Variants in DCAF4 observed in about 807,000 individuals in gnomAD.
DCAF4 encodes the protein DDB1- and CUL4-associated factor 4.
DCAF4 carries 37 observed loss-of-function variants against 60.9 expected under a neutral mutation model. The ratio of observed to expected loss-of-function variants is 0.61; its 90% confidence interval spans 0.47 to 0.80. The LOEUF is 0.80. DCAF4 is among the 30% of genes least tolerant of loss of function. The probability of loss-of-function intolerance (pLI) is 0.00; values close to 1 mark genes in which losing one functional copy is unlikely to be tolerated. For missense variants in DCAF4, 577 were observed against 650.0 expected (o/e 0.89, Z 1.22); for synonymous variants, 243 against 254.8 (o/e 0.95, Z 0.44).
downstream of DCAF4, chr14:72,961,754 C>A: frequency 1.1e-6 from 1 of 884,912 alleles, no homozygotes. Flanking sequence ...AATGCAGTGA[C>A]TACACCTGGT....
At chr14:72,938,094 C>T in intron 2 of DCAF4, 24 bp downstream of exon 2, 1 of 1,575,706 alleles carries the variant, frequency 6.3e-7, no homozygotes, top group Non-Finnish European at 8.6e-7. Context: ...TCTGGGGAGC[C>T]ACTTTTGCCC....
chr14:72,947,026 G>C, intron 7 of DCAF4, 116 bp from the exon 8 acceptor site: 2 of 1,368,426 alleles, frequency 1.5e-6, no homozygotes, highest in Non-Finnish European at 2.1e-6. Flanking sequence ...CAGCCCATTT[G>C]AAGAGGAGCA....
intron 2 of DCAF4, among the ~76,000 whole-genome samples, chr14:72,939,411 T>G (rs1314598264): frequency 6.6e-6 from 1 of 152,210 alleles, no homozygotes; most frequent in African/African-American, 2.4e-5. Flanking sequence ...TGCTACTGAA[T>G]CCAATAAAGA....
intron 8 of DCAF4, among the ~76,000 whole-genome samples, chr14:72,950,672 C>T (rs1241604268): frequency 3.3e-5 from 5 of 152,038 alleles, no homozygotes; most frequent in East Asian, 1.9e-4. Context: ...CGACTATGCT[C>T]ATGTGAACAG....
rs1188115374 is a variant in DCAF4, at chr14:72,953,725, AAAAAAAAAT to A, written c.809-437_809-429del. ...ACCCTGTCTTAAAAAAAAAAAAAAAAAAAAAAAATATATATATATATATATATATATATA... is the reference window on the plus strand; with the variant it reads ...ACCCTGTCTTAAAAAAAAAAAAAAAAATATATATATATATATATATATATA... On this transcript the variant is annotated intron_variant, in intron 9 of 13. Coordinates refer to ENST00000358377, the MANE Select transcript of DCAF4 (RefSeq NM_015604.4). 2.4e-3 allele frequency among the ~76,000 whole-genome samples: 124 copies of A among 52,490 alleles called. 8 individuals carry two copies. Among genetic ancestry groups the A allele is most frequent in the Non-Finnish European group, 3.6e-3 (107 of 30,014 alleles). 34.4% of individuals were successfully genotyped at this position (52,490 alleles called of 152,430 possible). A position where few individuals can be genotyped will look rare whatever the true frequency, so the allele number is the denominator to read the frequency against.
At chr14:72,937,879 G>C in intron 1 of DCAF4, 92 bp from the exon 2 acceptor site, 1 of 1,439,206 alleles carries the variant, frequency 6.9e-7, no homozygotes, top group African/African-American at 1.4e-5. Flanking sequence ...GCCTTTTGCT[G>C]GTGCTGAGCA....
At position 72,954,430 on chromosome 14, in the gene DCAF4, C is replaced by A. The variant is rs377073321; in HGVS notation, c.952C>A (p.Arg318=). 2.5e-6 allele frequency: 4 copies of A among 1,614,068 alleles called. No homozygotes were observed. The African/African-American group carries it at 5.3e-5, about 22-fold the overall frequency. Residue 318 remains arginine, a synonymous_variant, in exon 11 of 14, where the codon CGG becomes AGG. Transcript: ENST00000358377. The part of the protein sequence containing the change: ...VLLTNVVTGH[R]QSFGTNSDVL... Reference sequence around the variant, plus strand: ...GTTGACCAACGTGGTGACGGGACACCGGCAGTCCTTTGGGACCAACAGTGA... The same window carrying A: ...GTTGACCAACGTGGTGACGGGACACAGGCAGTCCTTTGGGACCAACAGTGA...
intron 1 of DCAF4, among the ~76,000 whole-genome samples, chr14:72,933,166 A>T (rs1047828393): frequency 6.6e-6 from 1 of 152,192 alleles, no homozygotes; most frequent in Non-Finnish European, 1.5e-5. Flanking sequence ...AGCTGTGACA[A>T]ACAAAAATGT....
Position 72,953,782 on chromosome 14 carries a change from TTGTGTGTGTGTGTGTGTGTGTG to T in DCAF4, c.809-356_809-335del, listed in dbSNP as rs149574612. 1.0e-3 allele frequency among the ~76,000 whole-genome samples: 42 copies of T among 41,124 alleles called. 3 individuals are homozygous for T. Among genetic ancestry groups the T allele is most frequent in the Admixed American group, 1.1e-3 (3 of 2,686 alleles). 27.0% of individuals were successfully genotyped at this position (41,124 alleles called of 152,430 possible). On this transcript the variant is annotated intron_variant, in intron 9 of 13. Transcript: ENST00000358377. ...ATATATAGTTTATTTATTTATTTAT[TTGTGTGTGTGTGTGTGTGTGTG>T]TGTGTGTGTGTGTGTGTGTGTGTGT...
rs1888538844 is a variant in DCAF4 at position 72,931,262 on chromosome 14, TC to T, written c.-9+4720del. ...TAAATATATTCCTAAGTACTTTTTC[TC>T]TTTTTTTTTTTTTTTTTTGTAACTG... On this transcript the variant is annotated intron_variant, in intron 1 of 13. Transcript: ENST00000358377. Among the ~76,000 whole-genome samples, 5 of 84,422 alleles carry T rather than the reference TC, an allele frequency of 5.9e-5. No individual in the cohort carries two copies. The South Asian group carries it at 1.6e-3, about 27-fold the overall frequency. 55.4% of individuals were successfully genotyped at this position (84,422 alleles called of 152,430 possible).
Position 72,954,202 on chromosome 14 carries a change from C to T in DCAF4, c.847C>T (p.Pro283Ser). The T allele has an allele frequency of 6.2e-7, 1 of 1,614,176 alleles. No homozygotes were observed. Among genetic ancestry groups the T allele is most frequent in the Non-Finnish European group, 8.5e-7 (1 of 1,180,032 alleles). The change falls in exon 10 of 14, where the codon CCT becomes TCT. Residue 283 changes from proline (P) to serine (S), a missense_variant. By Grantham distance (74) the Pro-to-Ser change is moderately conservative (BLOSUM62 -1). Transcript: ENST00000358377. ...TGGCATGCTCTGCAGTTTCCGGATC[C>T]CTGGTGCCTGGTCCTGTGCCTGGTC... is the stretch of plus-strand genomic sequence containing the variant. ...RPGMLCSFRI[P>S]GAWSCAWSLN...
chr14:72,926,580 A>T (rs1035305018), intron 1 of DCAF4, 37 bp downstream of exon 1: 6 of 149,932 alleles, frequency 4.0e-5, no homozygotes, highest in East Asian at 4.0e-4. Context: ...ACTGGCATCG[A>T]TTCGAGGGCT....
chr14:72,932,901 T>A (rs975255325), intron 1 of DCAF4, among the ~76,000 whole-genome samples: 1 of 151,868 alleles, frequency 6.6e-6, no homozygotes, highest in Non-Finnish European at 1.5e-5. Flanking sequence ...TCTTTCTTTC[T>A]TTTTTTTAAT....
downstream of DCAF4, among the ~76,000 whole-genome samples, chr14:72,960,243 G>T (rs527764524): frequency 1.3e-5 from 2 of 151,392 alleles, no homozygotes; most frequent in African/African-American, 2.4e-5. Context: ...TCCACCTCCT[G>T]GGTTCTAGTG....
chr14:72,936,389 C>A (rs1421700179), intron 1 of DCAF4, among the ~76,000 whole-genome samples: 1 of 152,034 alleles, frequency 6.6e-6, no homozygotes, highest in African/African-American at 2.4e-5. Flanking sequence ...CATGGTGAAA[C>A]CCCATCTCTA....
In DCAF4 at chr14:72,958,640, G is replaced by A. The variant is rs1799133099; in HGVS notation, c.1323G>A (p.Trp441Ter). ...GCCAGGACTGCTACACGAGAATCTG[G>A]AGCCTCCACGATGCCCGCCTACTGA... ...AVGQDCYTRI[W>*]SLHDARLLRT... Residue 441 changes from tryptophan to a stop codon, truncating the protein, a stop_gained, in exon 14 of 14, where the codon TGG becomes TGA. Transcript: ENST00000358377. LOFTEE classifies it high-confidence loss of function. 1 of 1,614,044 alleles carries A rather than the reference G, an allele frequency of 6.2e-7. No homozygotes were observed. Among genetic ancestry groups the A allele is most frequent in the Non-Finnish European group, 8.5e-7 (1 of 1,180,028 alleles).
intron 8 of DCAF4, among the ~76,000 whole-genome samples, chr14:72,949,644 A>G (rs986866192): frequency 2.0e-5 from 3 of 152,200 alleles, no homozygotes; most frequent in East Asian, 1.9e-4. Context: ...AATCCCAGCT[A>G]TTCGGGAAGT....
rs1030940900 is a variant in DCAF4 at position 72,939,870 on chromosome 14, C to T, written c.161C>T (p.Ser54Leu). ...GHGDDESPST[S>L]SGTAGTSSVP... ...GGTGATGACGAGTCTCCGTCAACCT[C>T]GTCTGGCACAGCTGGGACCTCCTCT... Residue 54 changes from serine (S) to leucine (L), a missense_variant, in exon 3 of 14, where the codon TCG becomes TTG. Coordinates refer to ENST00000358377, the MANE Select transcript of DCAF4 (RefSeq NM_015604.4). 1.9e-6 allele frequency: 3 copies of T among 1,611,728 alleles called. No individual in the cohort carries two copies. Among genetic ancestry groups the T allele is most frequent in the Admixed American group, 1.7e-5 (1 of 59,826 alleles).
intron 8 of DCAF4, among the ~76,000 whole-genome samples, chr14:72,949,329 G>A (rs1891122681): frequency 6.6e-6 from 1 of 152,194 alleles, no homozygotes; most frequent in Non-Finnish European, 1.5e-5. Flanking sequence ...CATGGTGCAT[G>A]CCTTTAGTTC....
Sources: gnomAD v4.1 joint callset for allele counts (sites outside exome capture counted in the v4.1 genomes callset) on GRCh38, gnomAD v4.1.1 for gene constraint, MANE v1.5 for transcripts, NCBI Gene and HGNC (gene_info 2026-07-23, HGNC 2026-07-21) for gene names.